DROSHA: variants seen among roughly 807,000 people sequenced by gnomAD.
DROSHA encodes drosha ribonuclease III.
A neutral mutation model predicts 181.9 loss-of-function variants in DROSHA; 56 were observed. The observed-to-expected ratio is 0.31, with a 90% CI of 0.25 to 0.38. The LOEUF (loss-of-function observed/expected upper bound fraction) is 0.38. DROSHA is among the 10% of genes least tolerant of loss of function. DROSHA has a pLI of 1.00. For missense variants in DROSHA, 1,218 were observed against 1,743.5 expected (o/e 0.70, Z 5.37); for synonymous variants, 524 against 591.2 (o/e 0.89, Z 1.65).
At chr5:31,489,466 C>T (rs2150040637) in intron 13 of DROSHA, among the ~76,000 whole-genome samples, 1 of 152,276 alleles carries the variant, frequency 6.6e-6, no homozygotes, top group African/African-American at 2.4e-5. Context: ...AGGATCTCCT[C>T]ATCTATTCAA....
chr5:31,478,783 G>A (rs1750694954), intron 16 of DROSHA, among the ~76,000 whole-genome samples: 1 of 152,170 alleles, frequency 6.6e-6, no homozygotes, highest in Non-Finnish European at 1.5e-5. Context: ...TAGAAAAAGA[G>A]TACTTTCTGT....
Position 31,429,465 on chromosome 5 carries a change from A to G in DROSHA, c.3216+10T>C, listed in dbSNP as rs781349251. 6.2e-7 allele frequency: 1 copy of G among 1,603,280 alleles called. No homozygotes were observed. Among genetic ancestry groups the G allele is most frequent in the South Asian group, 1.1e-5 (1 of 88,038 alleles). ...ATAACAAAAAAAATCAAATGATTCC[A>G]TAGAAATACCGGATCATTAAAGAGC... On this transcript the variant is annotated intron_variant, in intron 27 of 35. Transcript: ENST00000344624.
intron 6 of DROSHA, among the ~76,000 whole-genome samples, chr5:31,518,376 C>T (rs1739501288): frequency 6.6e-6 from 1 of 152,184 alleles, no homozygotes. Context: ...GACATACCTT[C>T]CTTTTATTAC....
intron 23 of DROSHA, among the ~76,000 whole-genome samples, chr5:31,444,770 C>T (rs1746048431): frequency 6.6e-6 from 1 of 152,162 alleles, no homozygotes; most frequent in African/African-American, 2.4e-5. Flanking sequence ...TGTTTTAATT[C>T]ATTCTTTTCT....
At chr5:31,404,808 TA>T (rs58366370) in intron 35 of DROSHA, among the ~76,000 whole-genome samples, 164 of 151,190 alleles carry the variant, frequency 1.1e-3, no homozygotes, top group African/African-American at 3.4e-3. Flanking sequence ...GATAATGATT[TA>T]AAAAAAAATG....
At chr5:31,407,680 G>A (rs772689699) in intron 33 of DROSHA, among the ~76,000 whole-genome samples, 2 of 152,156 alleles carry the variant, frequency 1.3e-5, no homozygotes, top group Non-Finnish European at 2.9e-5. Flanking sequence ...TTGATAAAAT[G>A]AGCAAACTCA....
chr5:31,446,246 A>G (rs964239943), intron 23 of DROSHA, among the ~76,000 whole-genome samples: 1 of 152,020 alleles, frequency 6.6e-6, no homozygotes, highest in Non-Finnish European at 1.5e-5. Context: ...GGACATCAAG[A>G]CCACCCTGGT....
intron 23 of DROSHA, among the ~76,000 whole-genome samples, chr5:31,447,624 G>A (rs1198034056): frequency 6.6e-6 from 1 of 152,166 alleles, no homozygotes; most frequent in Non-Finnish European, 1.5e-5. Context: ...ATTTGTATCT[G>A]AGAATATATT....
chr5:31,475,144 C>A (rs1015918279), intron 16 of DROSHA, among the ~76,000 whole-genome samples: 5 of 151,888 alleles, frequency 3.3e-5, no homozygotes, highest in Admixed American at 3.3e-4. Flanking sequence ...ATGGCAAAAC[C>A]CCTCTCTACA....
chr5:31,463,998 C>G (rs1748732050), intron 20 of DROSHA: 2 of 522,732 alleles, frequency 3.8e-6, no homozygotes, highest in South Asian at 4.6e-5. Context: ...CTGAACACTA[C>G]TAAGTAAGCT....
At chr5:31,421,193 A>C in intron 30 of DROSHA, 79 bp downstream of exon 30, 3 of 1,069,870 alleles carry the variant, frequency 2.8e-6, no homozygotes, top group Non-Finnish European at 4.2e-6. Flanking sequence ...AATTAATTAC[A>C]TAGATATATA....
At chr5:31,519,914 C>T (rs1479322901) in intron 6 of DROSHA, among the ~76,000 whole-genome samples, 1 of 152,160 alleles carries the variant, frequency 6.6e-6, no homozygotes, top group Non-Finnish European at 1.5e-5. Context: ...AAAACATTTG[C>T]TAATATCCTA....
intron 13 of DROSHA, among the ~76,000 whole-genome samples, chr5:31,490,396 C>T (rs1036485600): frequency 6.6e-6 from 1 of 151,692 alleles, no homozygotes; most frequent in Non-Finnish European, 1.5e-5. Flanking sequence ...TTGCCCAGGC[C>T]GTCTTGAACT....
intron 20 of DROSHA, among the ~76,000 whole-genome samples, chr5:31,454,595 T>C (rs1747412934): frequency 6.6e-6 from 1 of 152,132 alleles, no homozygotes; most frequent in South Asian, 2.1e-4. Context: ...TCAAATCCCA[T>C]TCAAAGATTT....
chr5:31,426,100 G>T (rs925621428), intron 27 of DROSHA, among the ~76,000 whole-genome samples: 5 of 152,104 alleles, frequency 3.3e-5, no homozygotes, highest in African/African-American at 1.2e-4. Flanking sequence ...AAACAAGACT[G>T]TGATTCCTCC....
intron 21 of DROSHA, 110 bp from the exon 22 acceptor site, chr5:31,449,529 A>T: frequency 8.3e-7 from 1 of 1,211,986 alleles, no homozygotes; most frequent in East Asian, 2.6e-5. Context: ...GGAGATCAAG[A>T]CTAGCCTGGG....
At chr5:31,429,628 C>T (rs1487862769) in intron 26 of DROSHA, 83 bp from the exon 27 acceptor site, 7 of 1,178,660 alleles carry the variant, frequency 5.9e-6, no homozygotes, top group Admixed American at 2.4e-5. Context: ...AAAGCAAAAA[C>T]GCAAGCCAAA....
chr5:31,455,974 G>A (rs569434986), intron 20 of DROSHA, among the ~76,000 whole-genome samples: 1 of 152,144 alleles, frequency 6.6e-6, no homozygotes, highest in Admixed American at 6.5e-5. Context: ...AATGTTTTAT[G>A]CCAGAAAACA....
At chr5:31,463,236 T>C (rs1009057949) in intron 20 of DROSHA, among the ~76,000 whole-genome samples, 1 of 152,090 alleles carries the variant, frequency 6.6e-6, no homozygotes, top group African/African-American at 2.4e-5. Context: ...ACCCTGAAAA[T>C]AGGGCAATAT....
Sources: allele counts gnomAD v4.1 joint callset (sites outside exome capture counted in the v4.1 genomes callset), GRCh38; gene constraint gnomAD v4.1.1; transcripts MANE v1.5; gene names NCBI Gene and HGNC (gene_info 2026-07-23, HGNC 2026-07-21).